UVRAG: variants seen among roughly 807,000 people sequenced by gnomAD.
The protein encoded by UVRAG is UV radiation resistance associated.
Under a neutral mutation model 78.0 loss-of-function variants are expected in UVRAG, and 19 were observed. That is an observed-to-expected ratio of 0.24 (90% CI 0.17 to 0.36). UVRAG has a LOEUF of 0.36. Ranked by LOEUF, UVRAG falls within the 10% of genes least tolerant of loss-of-function variation. UVRAG has a pLI of 1.00. For synonymous variants in UVRAG, 323 were observed against 324.6 expected, an observed-to-expected ratio of 1.00 and a Z score of 0.05; for missense variants, 740 against 853.8, an observed-to-expected ratio of 0.87 and a Z score of 1.66.
chr11:76,103,535 TG>T lies in UVRAG; in HGVS notation c.1306-12387del, dbSNP rs1205929679. 1.6e-3 allele frequency among the ~76,000 whole-genome samples: 231 copies of T among 143,578 alleles called. 1 individual carries two copies. The highest frequency in any genetic ancestry group is 6.2e-3 in the African/African-American group (222 of 35,746). 94.2% of individuals were successfully genotyped at this position (143,578 alleles called of 152,430 possible). On this transcript the variant is annotated intron_variant, in intron 13 of 14. Coordinates refer to ENST00000356136, the MANE Select transcript of UVRAG (RefSeq NM_003369.4). Reference sequence around the variant, plus strand: ...TGCACTTGAAAGGTCATTGCTGTTTTGGTTTTTTTTTTTTTTTTTTGAAGCT... The same window carrying T: ...TGCACTTGAAAGGTCATTGCTGTTTTGTTTTTTTTTTTTTTTTTTGAAGCT...
chr11:76,116,168 G>A (rs1391494674), intron 14 of UVRAG, among the ~76,000 whole-genome samples, 153 bp downstream of exon 14: 1 of 152,228 alleles, frequency 6.6e-6, no homozygotes, highest in Non-Finnish European at 1.5e-5. Context: ...CAGTTGGGGA[G>A]ATCTAAGCTC....
chr11:76,044,050 G>A (rs1950699133), intron 12 of UVRAG, among the ~76,000 whole-genome samples: 1 of 152,158 alleles, frequency 6.6e-6, no homozygotes, highest in Non-Finnish European at 1.5e-5. Flanking sequence ...AATGCTTCAG[G>A]AAATGCAGGC....
chr11:75,838,384 C>T (rs1381746717), intron 1 of UVRAG, among the ~76,000 whole-genome samples: 2 of 152,066 alleles, frequency 1.3e-5, no homozygotes, highest in Non-Finnish European at 2.9e-5. Flanking sequence ...GCTGCCCAGG[C>T]TGGAGTGCAG....
chr11:76,064,905 A>G (rs768655047), intron 12 of UVRAG, among the ~76,000 whole-genome samples: 1 of 152,186 alleles, frequency 6.6e-6, no homozygotes, highest in Non-Finnish European at 1.5e-5. Flanking sequence ...GTAATAATTG[A>G]TCTGTTTGTA....
In UVRAG at chr11:76,141,091, G is replaced by A. The variant is rs764774435; in HGVS notation, c.1778G>A (p.Arg593Gln). The change falls in exon 15 of 15, where the codon CGG (arginine) becomes CAG (glutamine). Residue 593 changes from arginine to glutamine, a missense_variant. By Grantham distance (43) the Arg-to-Gln change is conservative. Coordinates refer to ENST00000356136, the MANE Select transcript of UVRAG (RefSeq NM_003369.4). ...CAAGGAGAAGCCCTCTCCGGGCACC[G>A]GGCCACAGTCAATGGCACTCTCCTA... ...QEQGEALSGHRATVNGTLLPS... is the reference protein window; with the variant it reads ...QEQGEALSGHQATVNGTLLPS... The A allele has an allele frequency of 5.6e-5, 91 of 1,614,130 alleles. No individual in the cohort carries two copies. The highest frequency in any genetic ancestry group is 1.6e-4 in the Middle Eastern group (1 of 6,062).
chr11:76,004,453 C>T (rs1165339537), intron 9 of UVRAG, among the ~76,000 whole-genome samples: 1 of 151,868 alleles, frequency 6.6e-6, no homozygotes, highest in African/African-American at 2.4e-5. Flanking sequence ...TTCTTGTTAG[C>T]TCATTTGGAT....
At chr11:76,126,870 T>C (rs572070804) in intron 14 of UVRAG, among the ~76,000 whole-genome samples, 66 of 152,268 alleles carry the variant, frequency 4.3e-4, no homozygotes, top group Non-Finnish European at 6.5e-4. Context: ...TGCACACAAA[T>C]ACCGTATTTT....
intron 8 of UVRAG, among the ~76,000 whole-genome samples, chr11:75,996,799 CT>C (rs1056657521): frequency 1.3e-5 from 2 of 152,310 alleles, no homozygotes; most frequent in East Asian, 3.9e-4. Context: ...CTAGATCTTT[CT>C]GATTCATAAG....
chr11:76,021,001 G>A (rs1950236951), intron 12 of UVRAG, among the ~76,000 whole-genome samples: 2 of 152,088 alleles, frequency 1.3e-5, no homozygotes, highest in Non-Finnish European at 2.9e-5. Context: ...TGACAGAGCA[G>A]CACTGAGTTG....
At chr11:75,979,103 C>G (rs1949327999) in intron 7 of UVRAG, among the ~76,000 whole-genome samples, 1 of 152,206 alleles carries the variant, frequency 6.6e-6, no homozygotes, top group Non-Finnish European at 1.5e-5. Flanking sequence ...CACTCAGGAC[C>G]CTCAGCTGCA....
chr11:75,835,927 A>T (rs1326992519), intron 1 of UVRAG, among the ~76,000 whole-genome samples: 1 of 151,982 alleles, frequency 6.6e-6, no homozygotes, highest in East Asian at 1.9e-4. Context: ...CCCTGTCTCT[A>T]CTTAAAAAAA....
intron 12 of UVRAG, among the ~76,000 whole-genome samples, chr11:76,032,436 T>C (rs1007851149): frequency 4.6e-5 from 7 of 152,214 alleles, no homozygotes; most frequent in East Asian, 3.8e-4. Context: ...AAAACTGATA[T>C]AACATTTAAT....
intron 7 of UVRAG, among the ~76,000 whole-genome samples, chr11:75,982,905 A>G (rs1407806575): frequency 6.6e-6 from 1 of 152,080 alleles, no homozygotes; most frequent in Non-Finnish European, 1.5e-5. Flanking sequence ...TTATCCTTTC[A>G]TCAGTTGGTG....
intron 6 of UVRAG, among the ~76,000 whole-genome samples, chr11:75,925,685 GGGGT>G (rs1948084754): frequency 6.6e-6 from 1 of 151,804 alleles, no homozygotes; most frequent in African/African-American, 2.4e-5. Flanking sequence ...GCCTACACAG[GGGGT>G]GGAGAAGGAA....
intron 3 of UVRAG, among the ~76,000 whole-genome samples, chr11:75,878,073 T>C (rs1946845294): frequency 7.6e-6 from 1 of 132,342 alleles, no homozygotes; most frequent in South Asian, 2.5e-4. Flanking sequence ...ACGGGGCGGC[T>C]GCCGGGCGGA....
At chr11:76,036,243 A>C (rs567183869) in intron 12 of UVRAG, among the ~76,000 whole-genome samples, 8 of 152,308 alleles carry the variant, frequency 5.3e-5, no homozygotes, top group Admixed American at 2.0e-4. Flanking sequence ...AGCCAATGAA[A>C]TGAAAGGTTA....
Position 75,861,766 on chromosome 11 carries a change from A to T in UVRAG, c.256A>T (p.Ile86Phe). ...TCCAGAATTTTATAGAAGTGAAGTG[A>T]TTAAGAATTCCTTGGTAAGTTTGCT... ...IYKEFYRSEV[I>F]KNSLNPTWRS... Residue 86 changes from isoleucine to phenylalanine, a missense_variant, in exon 3 of 15, where the codon ATT (isoleucine) becomes TTT (phenylalanine). Ile to Phe is a conservative substitution (Grantham distance 21). Transcript: ENST00000356136. 1.2e-6 allele frequency: 2 copies of T among 1,607,444 alleles called. No individual in the cohort carries two copies. Among genetic ancestry groups the T allele is most frequent in the Non-Finnish European group, 1.7e-6 (2 of 1,174,974 alleles).
intron 12 of UVRAG, among the ~76,000 whole-genome samples, chr11:76,041,194 A>G (rs1438243469): frequency 3.4e-5 from 5 of 147,372 alleles, no homozygotes; most frequent in Non-Finnish European, 7.4e-5. Context: ...TGTGAATATT[A>G]TGGTCTGATG....
intron 6 of UVRAG, among the ~76,000 whole-genome samples, chr11:75,943,818 C>T (rs1326678974): frequency 3.3e-5 from 5 of 152,062 alleles, no homozygotes; most frequent in Non-Finnish European, 1.5e-5. Flanking sequence ...TATTTGATGC[C>T]ATTACCATGA....
Sources: gnomAD v4.1 joint callset for allele counts (sites outside exome capture counted in the v4.1 genomes callset) on GRCh38, gnomAD v4.1.1 for gene constraint, MANE v1.5 for transcripts, NCBI Gene and HGNC (gene_info 2026-07-23, HGNC 2026-07-21) for gene names.